The following ELK3 variants were observed in gnomAD, a reference collection of about 807,000 sequenced individuals.
The protein encoded by ELK3 is ETS domain-containing protein Elk-3.
A neutral mutation model predicts 28.9 loss-of-function variants in ELK3; 10 were observed. The observed-to-expected ratio is 0.35, with a 90% CI of 0.21 to 0.59. ELK3 has a LOEUF of 0.59. ELK3 is among the 20% of genes least tolerant of loss of function. The pLI is 0.82. For missense variants in ELK3, 463 were observed against 517.3 expected, an observed-to-expected ratio of 0.90 and a Z score of 1.02; for synonymous variants, 272 against 243.5, an observed-to-expected ratio of 1.12 and a Z score of -1.09.
chr12:96,205,697 A>G (rs1355949773), intron 1 of ELK3, among the ~76,000 whole-genome samples: 2 of 152,172 alleles, frequency 1.3e-5, no homozygotes, highest in African/African-American at 2.4e-5. Context: ...AAATGCTCCA[A>G]GTGACACCCG....
chr12:96,267,768 T>C lies in ELK3; in HGVS notation c.*588T>C, dbSNP rs564751647. 6.5e-6 allele frequency: 1 copy of C among 152,792 alleles called. No homozygotes were observed. The highest frequency in any genetic ancestry group is 2.1e-4 in the South Asian group (1 of 4,824). The allele number at this position is 152,792 out of a possible 1,614,324, so 9.5% of individuals were successfully genotyped here. On this transcript the variant is annotated 3_prime_UTR_variant, in exon 5 of 5. Transcript: ENST00000228741. ...CCTTAGAACCTCTTTTGAACTGAAA[T>C]TCAGTAAATGTCCAAGTAATGTTTT... is the stretch of plus-strand genomic sequence containing the variant.
intron 1 of ELK3, among the ~76,000 whole-genome samples, chr12:96,195,414 G>T (rs1285430670): frequency 5.3e-5 from 8 of 152,212 alleles, no homozygotes; most frequent in Non-Finnish European, 2.9e-5. Context: ...GGCAAGAAAT[G>T]ATCTTGGGGC....
intron 1 of ELK3, among the ~76,000 whole-genome samples, chr12:96,210,561 G>GCACACA (rs368183390): frequency 0.13 from 18,171 of 144,580 alleles, 1,186 homozygotes; most frequent in Middle Eastern, 0.16. Context: ...GCGCGCGGGC[G>GCACACA]CACGCACACA....
chr12:96,234,747 G>A (rs1951768680), intron 2 of ELK3, among the ~76,000 whole-genome samples: 1 of 152,216 alleles, frequency 6.6e-6, no homozygotes, highest in Non-Finnish European at 1.5e-5. Context: ...GGGATGCTGA[G>A]TCTCCAAGAG....
At chr12:96,198,484 G>A (rs1047705290) in intron 1 of ELK3, among the ~76,000 whole-genome samples, 1 of 152,152 alleles carries the variant, frequency 6.6e-6, no homozygotes, top group African/African-American at 2.4e-5. Context: ...CAGATGAGAG[G>A]GGAAGGGGAC....
chr12:96,229,239 T>C (rs1460110086), intron 2 of ELK3, among the ~76,000 whole-genome samples: 1 of 152,240 alleles, frequency 6.6e-6, no homozygotes, highest in Non-Finnish European at 1.5e-5. Context: ...GCTTTTTGTT[T>C]ATTGTCCCGT....
At chr12:96,222,540 AG>A (rs1470946441) in intron 1 of ELK3, among the ~76,000 whole-genome samples, 2 of 152,220 alleles carry the variant, frequency 1.3e-5, no homozygotes, top group African/African-American at 4.8e-5. Context: ...CGGTTTCACA[AG>A]CATCCACGGA....
intron 1 of ELK3, among the ~76,000 whole-genome samples, chr12:96,212,048 G>A (rs570363894): frequency 6.6e-6 from 1 of 152,326 alleles, no homozygotes; most frequent in Non-Finnish European, 1.5e-5. Context: ...GAACCTCAGT[G>A]TTGTTTCAGA....
chr12:96,218,245 G>A (rs1466066161), intron 1 of ELK3, among the ~76,000 whole-genome samples: 1 of 152,182 alleles, frequency 6.6e-6, no homozygotes, highest in East Asian at 1.9e-4. Flanking sequence ...CAGGCTGCAA[G>A]GTTGAGGTGA....
At position 96,223,709 on chromosome 12, in the gene ELK3, G is replaced by GA; in HGVS notation, c.149dup (p.Asn50LysfsTer8). On this transcript the variant is annotated frameshift_variant, in exon 2 of 5. Transcript: ENST00000228741. LOFTEE classifies it high-confidence loss of function. ...GAAGTGGCCAAGCTGTGGGGACTCC[G>GA]AAAAAACAAAACAAATATGAACTAT... is the stretch of plus-strand genomic sequence containing the variant. The GA allele has an allele frequency of 6.2e-7, 1 of 1,614,070 alleles. No homozygotes were observed. Among genetic ancestry groups the GA allele is most frequent in the Non-Finnish European group, 8.5e-7 (1 of 1,180,022 alleles).
intron 1 of ELK3, among the ~76,000 whole-genome samples, chr12:96,197,411 T>C (rs1951478770): frequency 6.7e-6 from 1 of 150,106 alleles, no homozygotes; most frequent in Non-Finnish European, 1.5e-5. Context: ...AAAAATCTTA[T>C]TTACTTTAAT....
intron 2 of ELK3, among the ~76,000 whole-genome samples, chr12:96,231,549 G>A (rs925683220): frequency 3.3e-5 from 5 of 152,206 alleles, no homozygotes; most frequent in Non-Finnish European, 7.3e-5. Context: ...CTGGAGTGCA[G>A]TGGCGCGATC....
chr12:96,203,432 G>A (rs79315388), intron 1 of ELK3, among the ~76,000 whole-genome samples: 5,142 of 152,202 alleles, frequency 0.034, 137 homozygotes, highest in African/African-American at 0.077. Context: ...GCCTGCGTCC[G>A]TTTTTCTCAT....
intron 4 of ELK3, among the ~76,000 whole-genome samples, chr12:96,263,834 G>A (rs756308775): frequency 3.3e-5 from 5 of 152,186 alleles, no homozygotes; most frequent in Admixed American, 6.5e-5. Flanking sequence ...ATAGGCTTAG[G>A]AATTTCTCTC....
At chr12:96,235,729 G>T (rs1467390660) in intron 2 of ELK3, among the ~76,000 whole-genome samples, 3 of 152,142 alleles carry the variant, frequency 2.0e-5, no homozygotes, top group Non-Finnish European at 4.4e-5. Flanking sequence ...GGAGGTGGCC[G>T]CTCAACACAG....
At position 96,246,063 on chromosome 12, in the gene ELK3, C is replaced by T. The variant is rs1049648316; in HGVS notation, c.208-877C>T. Among the ~76,000 whole-genome samples, 5 of 152,042 alleles carry T rather than the reference C, an allele frequency of 3.3e-5. No individual in the cohort carries two copies. The South Asian group carries it at 6.2e-4, about 19-fold the overall frequency. On this transcript the variant is annotated intron_variant, in intron 2 of 4. Transcript: ENST00000228741. ...GAAAAAAATGACTGAGTTAAGAAAACGTTGTAGTGTTTGATGATGATAACT... is the reference window on the plus strand; with the variant it reads ...GAAAAAAATGACTGAGTTAAGAAAATGTTGTAGTGTTTGATGATGATAACT...
rs1280509500 is a variant in ELK3 at position 96,194,948 on chromosome 12, C to T, written c.-3+243C>T. Among the ~76,000 whole-genome samples, 4 of 149,564 alleles carry T rather than the reference C, an allele frequency of 2.7e-5. No homozygotes were observed. In the East Asian group the frequency reaches 6.0e-4, roughly 22 times the overall value. Reference sequence around the variant, plus strand: ...CGCCGTCGCCCGAGCTCGCGCCGGGCCCGGGGCTGCGGGGACCCTGCGCCC... The same window carrying T: ...CGCCGTCGCCCGAGCTCGCGCCGGGTCCGGGGCTGCGGGGACCCTGCGCCC... On this transcript the variant is annotated intron_variant, in intron 1 of 4. Transcript: ENST00000228741.
chr12:96,250,867 T>C (rs577632595), intron 3 of ELK3, among the ~76,000 whole-genome samples: 1 of 152,250 alleles, frequency 6.6e-6, no homozygotes, highest in South Asian at 2.1e-4. Flanking sequence ...AAGGTACAAA[T>C]TCCGAAGGTT....
chr12:96,239,605 A>C (rs1951806569), intron 2 of ELK3, among the ~76,000 whole-genome samples: 1 of 152,116 alleles, frequency 6.6e-6, no homozygotes, highest in Non-Finnish European at 1.5e-5. Flanking sequence ...GGTTCCTTTC[A>C]CGTAGGGTAT....
Sources: allele counts gnomAD v4.1 joint callset (sites outside exome capture counted in the v4.1 genomes callset), GRCh38; gene constraint gnomAD v4.1.1; transcripts MANE v1.5; gene names NCBI Gene and HGNC (gene_info 2026-07-23, HGNC 2026-07-21).